Variants in COL4A4 observed in about 807,000 individuals in gnomAD.
COL4A4 encodes collagen alpha-4(IV) chain.
In COL4A4, 105 loss-of-function variants were observed where a neutral mutation model predicts 192.9. The ratio of observed to expected loss-of-function variants is 0.54; its 90% CI spans 0.46 to 0.64. The LOEUF (loss-of-function observed/expected upper bound fraction) is 0.64. Among genes scored for constraint, COL4A4 ranks in the 30% least tolerant of loss-of-function variants. The pLI, the probability that COL4A4 is intolerant of heterozygous loss-of-function variation, is 0.00. For synonymous variants in COL4A4, 762 were observed against 769.9 expected (o/e 0.99, Z 0.17); for missense variants, 1,967 against 2,169.3 (o/e 0.91, Z 1.85).
intron 35 of COL4A4, among the ~76,000 whole-genome samples, chr2:227,045,860 A>C (rs1394208314): frequency 1.1e-5 from 1 of 90,298 alleles, no homozygotes; most frequent in Non-Finnish European, 2.1e-5. Context: ...ACATATATAT[A>C]TACACATATA....
chr2:227,153,024 G>T (rs961124390), intron 1 of COL4A4, among the ~76,000 whole-genome samples: 4 of 152,218 alleles, frequency 2.6e-5, no homozygotes, highest in African/African-American at 9.6e-5. Context: ...ATGATGGAAG[G>T]TGAATGAGGA....
At chr2:227,039,457 C>T (rs1167358178) in intron 37 of COL4A4, among the ~76,000 whole-genome samples, 3 of 152,182 alleles carry the variant, frequency 2.0e-5, no homozygotes, top group Non-Finnish European at 2.9e-5. Flanking sequence ...AGGCATTAGC[C>T]ACCACGTCGG....
rs1192004113 is a variant in COL4A4, at chr2:227,008,143, A to G, written c.4684T>C (p.Tyr1562His). 6.2e-7 allele frequency: 1 copy of G among 1,613,964 alleles called. No individual in the cohort carries two copies. Among genetic ancestry groups the G allele is most frequent in the Non-Finnish European group, 8.5e-7 (1 of 1,179,880 alleles). Residue 1562 changes from tyrosine to histidine, a missense_variant, in exon 47 of 48, where the codon TAT (tyrosine) becomes CAT (histidine). Transcript: ENST00000396625. The stretch of plus-strand genomic sequence containing the variant: ...TCGCATACCGCACAGCGGCTGACAT[A>G]GGGGCGGATCGCCTCTTCAGAGAGT... ...MPLSEEAIRP[Y>H]VSRCAVCEAP...
the COL4A4 span, among the ~76,000 whole-genome samples, chr2:226,967,635 C>G: frequency 1.3e-5 from 2 of 148,460 alleles, no homozygotes; most frequent in Non-Finnish European, 3.0e-5. Flanking sequence ...TTCTACAACT[C>G]GTTGTAGAAG....
chr2:227,044,579 A>G (rs1458308209), intron 35 of COL4A4, among the ~76,000 whole-genome samples: 2 of 152,106 alleles, frequency 1.3e-5, no homozygotes, highest in Non-Finnish European at 2.9e-5. Flanking sequence ...ACAGTAAAGT[A>G]GCATTATTCT....
chr2:227,025,994 G>A (rs928256377), intron 42 of COL4A4, among the ~76,000 whole-genome samples, 184 bp from the exon 43 acceptor site: 13 of 152,034 alleles, frequency 8.6e-5, no homozygotes, highest in African/African-American at 2.9e-4. Context: ...ACATCAATGT[G>A]ACTGACAGGA....
intron 37 of COL4A4, among the ~76,000 whole-genome samples, chr2:227,041,848 GAGAAAGAAAGAA>G (rs71036154): frequency 0.01 from 404 of 38,684 alleles, 9 homozygotes; most frequent in Non-Finnish European, 0.013. Context: ...AAGAAAGAAA[GAGAAAGAAAGAA>G]AGAAAGAAAG....
At chr2:226,988,384 G>A in the COL4A4 span, 111 of 1,550,476 alleles carry the variant, frequency 7.2e-5, 1 homozygote, top group Middle Eastern at 1.5e-3. Context: ...CCAAGATAAA[G>A]GTCAGAACAG....
At chr2:227,141,236 C>T (rs1267269342) in intron 3 of COL4A4, among the ~76,000 whole-genome samples, 1 of 152,196 alleles carries the variant, frequency 6.6e-6, no homozygotes, top group African/African-American at 2.4e-5. Flanking sequence ...GGCTCATGAT[C>T]TGGCCTAGCT....
the COL4A4 span, among the ~76,000 whole-genome samples, chr2:226,981,569 T>TACACACACAC: frequency 8.7e-4 from 131 of 150,274 alleles, no homozygotes; most frequent in African/African-American, 3.1e-3. Flanking sequence ...TGCACACACA[T>TACACACACAC]ACACACACAC....
At chr2:227,144,243 C>T (rs996263682) in intron 3 of COL4A4, among the ~76,000 whole-genome samples, 1 of 152,134 alleles carries the variant, frequency 6.6e-6, no homozygotes, top group African/African-American at 2.4e-5. Context: ...CTTGAAATGG[C>T]CCAGCTGCCT....
intron 25 of COL4A4, among the ~76,000 whole-genome samples, chr2:227,065,571 C>G (rs962246426): frequency 2.0e-5 from 3 of 152,156 alleles, no homozygotes; most frequent in Non-Finnish European, 4.4e-5. Context: ...GTCCCTGACC[C>G]CTGACCCCCG....
At chr2:227,045,927 G>A (rs1313403997) in intron 35 of COL4A4, among the ~76,000 whole-genome samples, 2,804 of 34,570 alleles carry the variant, frequency 0.081, 567 homozygotes, top group South Asian at 0.16. Flanking sequence ...ATATGTATAT[G>A]TATATATGTA....
At position 227,008,119 on chromosome 2, in the gene COL4A4, C is replaced by T. The variant is rs757328549; in HGVS notation, c.4708G>A (p.Glu1570Lys). The change falls in exon 47 of 48, where the codon GAG (glutamate) becomes AAG (lysine). Residue 1570 changes from glutamate (E) to lysine (K), a missense_variant. Glu to Lys is a moderately conservative substitution (Grantham distance 56). Coordinates refer to ENST00000396625, the MANE Select transcript of COL4A4 (RefSeq NM_000092.5). ...RPYVSRCAVCEAPAQAVAVHS... is the reference protein window; with the variant it reads ...RPYVSRCAVCKAPAQAVAVHS... The stretch of plus-strand genomic sequence containing the variant: ...ACCGCCACCGCCTGGGCCGGGGCCT[C>T]GCATACCGCACAGCGGCTGACATAG... 5.3e-5 allele frequency: 86 copies of T among 1,613,934 alleles called. No individual in the cohort carries two copies. The highest frequency in any genetic ancestry group is 1.4e-4 in the South Asian group (13 of 91,074).
intron 34 of COL4A4, 89 bp downstream of exon 34, chr2:227,049,979 G>T (rs978846406): frequency 1.8e-5 from 22 of 1,234,282 alleles, no homozygotes; most frequent in Non-Finnish European, 2.6e-5. Context: ...GATACACTTT[G>T]CTTATCATGT....
At chr2:227,025,650 GA>G (rs1296719088) in intron 43 of COL4A4, 151 bp downstream of exon 43, 2 of 679,938 alleles carry the variant, frequency 2.9e-6, no homozygotes, top group Non-Finnish European at 5.1e-6. Context: ...CTGTAACGAG[GA>G]AGCAAAACAC....
chr2:226,971,062 A>G, the COL4A4 span, among the ~76,000 whole-genome samples: 12 of 152,140 alleles, frequency 7.9e-5, no homozygotes, highest in African/African-American at 2.9e-4. Flanking sequence ...AATGTTTACT[A>G]CTTTTAATTT....
intron 44 of COL4A4, among the ~76,000 whole-genome samples, chr2:227,021,491 TG>T (rs963934658): frequency 3.3e-5 from 5 of 152,088 alleles, no homozygotes; most frequent in African/African-American, 1.2e-4. Flanking sequence ...ATCCAAAAGC[TG>T]GCCAAGAATG....
chr2:226,980,474 T>TTCTCTGAACTTCCATTTCCCA, the COL4A4 span, among the ~76,000 whole-genome samples: 26 of 152,272 alleles, frequency 1.7e-4, no homozygotes, highest in East Asian at 5.0e-3. Flanking sequence ...ACCATTTACC[T>TTCTCTGAACTTCCATTTCCCA]TCTCTGAACT....
Sources: allele counts gnomAD v4.1 joint callset (sites outside exome capture counted in the v4.1 genomes callset), GRCh38; gene constraint gnomAD v4.1.1; transcripts MANE v1.5; gene names NCBI Gene and HGNC (gene_info 2026-07-23, HGNC 2026-07-21).